CEP162: variants seen among roughly 807,000 people sequenced by gnomAD.
The protein encoded by CEP162 is centrosomal protein of 162 kDa.
CEP162 carries 141 observed loss-of-function variants against 169.2 expected under a neutral mutation model. The observed-to-expected ratio is 0.83, with a 90% confidence interval of 0.73 to 0.96. The LOEUF is 0.96. Among genes scored for constraint, CEP162 ranks in the 40% least tolerant of loss-of-function variants. The pLI is 0.00. For synonymous variants in CEP162, 540 were observed against 526.4 expected, an observed-to-expected ratio of 1.03 and a Z score of -0.35; for missense variants, 1,600 against 1,587.2, an observed-to-expected ratio of 1.01 and a Z score of -0.14.
Position 84,160,763 on chromosome 6 carries a change from A to C in CEP162, c.2781+49T>G, listed in dbSNP as rs772063249. The C allele has an allele frequency of 1.9e-5, 22 of 1,166,646 alleles. No individual in the cohort carries two copies. In the South Asian group the frequency reaches 2.8e-4, roughly 15 times the overall value. The allele number at this position is 1,166,646 out of a possible 1,614,324, so 72.3% of individuals were successfully genotyped here. On this transcript the variant is annotated intron_variant, in intron 21 of 26. Coordinates refer to ENST00000403245, the MANE Select transcript of CEP162 (RefSeq NM_014895.4). ...TCCTGAAACAAAAGAGAAAACCAAA[A>C]TGCACTATATATAAAATATGCTCAT... is the stretch of plus-strand genomic sequence containing the variant.
chr6:84,187,443 G>A (rs1046623717), intron 11 of CEP162, among the ~76,000 whole-genome samples: 36 of 152,132 alleles, frequency 2.4e-4, no homozygotes, highest in African/African-American at 8.7e-4. Context: ...GCTAGTAGGT[G>A]GAATCATCAG....
chr6:84,199,729 G>A (rs9449836), intron 9 of CEP162, among the ~76,000 whole-genome samples: 5,984 of 152,130 alleles, frequency 0.039, 214 homozygotes, highest in African/African-American at 0.098. Flanking sequence ...AGCTATTTAT[G>A]TGATAAAATA....
At chr6:84,155,557 G>T in intron 21 of CEP162, 47 bp from the exon 22 acceptor site, 2 of 1,279,960 alleles carry the variant, frequency 1.6e-6, no homozygotes, top group Non-Finnish European at 2.2e-6. Context: ...TTTAATAAAT[G>T]AATTCAGTAA....
chr6:84,164,156 T>C (rs1361946938), intron 18 of CEP162, among the ~76,000 whole-genome samples: 1 of 152,046 alleles, frequency 6.6e-6, no homozygotes, highest in Non-Finnish European at 1.5e-5. Flanking sequence ...TGAGATACCA[T>C]CTCAAGCCAT....
At position 84,215,467 on chromosome 6, in the gene CEP162, T is replaced by C. The variant is rs779648758; in HGVS notation, c.320-2A>G. 8.3e-6 allele frequency: 13 copies of C among 1,559,014 alleles called. No individual in the cohort carries two copies. In the Middle Eastern group the frequency reaches 6.8e-4, roughly 82 times the overall value. On this transcript the variant is annotated splice_acceptor_variant, in intron 4 of 26. Transcript: ENST00000403245. LOFTEE classifies it high-confidence loss of function. ...GGTTGAGCTCAGAAACTACTAGTTC[T>C]AAATGGAAAGCACAAATATATTTTA...
At chr6:84,143,956 C>T (rs1307117738) in intron 25 of CEP162, among the ~76,000 whole-genome samples, 1 of 151,910 alleles carries the variant, frequency 6.6e-6, no homozygotes, top group Non-Finnish European at 1.5e-5. Flanking sequence ...TCTCACTATG[C>T]GACTTTCTGT....
Position 84,154,312 on chromosome 6 carries a change from ATATC to A in CEP162, c.2994+982_2994+985del, listed in dbSNP as rs3837002. 6.4e-3 allele frequency among the ~76,000 whole-genome samples: 957 copies of A among 150,072 alleles called. 8 individuals are homozygous for A. The highest frequency in any genetic ancestry group is 0.013 in the African/African-American group (505 of 39,790). Reference sequence around the variant, plus strand: ...CTAGACTCCAGACATGTTATCAGGGATATCTATCTATCTATCTATCTGTCTGTCT... The same window carrying A: ...CTAGACTCCAGACATGTTATCAGGGATATCTATCTATCTATCTGTCTGTCT... On this transcript the variant is annotated intron_variant, in intron 22 of 26. Coordinates refer to ENST00000403245, the MANE Select transcript of CEP162 (RefSeq NM_014895.4).
At chr6:84,147,931 T>C (rs1204119435) in intron 24 of CEP162, among the ~76,000 whole-genome samples, 1 of 152,210 alleles carries the variant, frequency 6.6e-6, no homozygotes, top group African/African-American at 2.4e-5. Flanking sequence ...GTATTTTTAA[T>C]GATCAGACTA....
chr6:84,155,894 C>T (rs62449284), intron 21 of CEP162, among the ~76,000 whole-genome samples: 16,225 of 152,006 alleles, frequency 0.11, 1,361 homozygotes, highest in African/African-American at 0.24. Context: ...ACAATTCATA[C>T]GGAACCAAAA....
intron 18 of CEP162, among the ~76,000 whole-genome samples, chr6:84,167,703 T>A (rs961408302): frequency 6.6e-6 from 1 of 152,182 alleles, no homozygotes; most frequent in Non-Finnish European, 1.5e-5. Flanking sequence ...TGCAAGGTAG[T>A]GTCAATTCAA....
intron 6 of CEP162, among the ~76,000 whole-genome samples, chr6:84,209,029 T>C (rs1282040875): frequency 6.6e-6 from 1 of 152,176 alleles, no homozygotes; most frequent in Non-Finnish European, 1.5e-5. Flanking sequence ...ATTTGGGAAC[T>C]AATAGGAGGC....
chr6:84,204,176 A>G (rs981240733), intron 6 of CEP162, 80 bp from the exon 7 acceptor site: 2 of 788,278 alleles, frequency 2.5e-6, no homozygotes, highest in Non-Finnish European at 4.1e-6. Flanking sequence ...TTGATTTCGA[A>G]AGGAAGAAGT....
chr6:84,221,480 T>C (rs563271914), intron 2 of CEP162, among the ~76,000 whole-genome samples: 4 of 152,328 alleles, frequency 2.6e-5, no homozygotes, highest in African/African-American at 7.2e-5. Flanking sequence ...TCCTGTCTTC[T>C]AGACATTCTC....
intron 11 of CEP162, among the ~76,000 whole-genome samples, chr6:84,193,038 A>G (rs2099540557): frequency 1.3e-5 from 2 of 152,266 alleles, no homozygotes. Context: ...TATGAGGATC[A>G]CGTGGGAGAC....
chr6:84,137,050 G>A (rs761879985), intron 25 of CEP162, among the ~76,000 whole-genome samples: 13 of 152,168 alleles, frequency 8.5e-5, no homozygotes, highest in Non-Finnish European at 1.8e-4. Flanking sequence ...AAGAGATATC[G>A]GTTCTTGTGG....
At chr6:84,205,722 C>A (rs933647076) in intron 6 of CEP162, among the ~76,000 whole-genome samples, 1 of 151,836 alleles carries the variant, frequency 6.6e-6, no homozygotes, top group African/African-American at 2.4e-5. Flanking sequence ...CTGGCCAGGG[C>A]AATCAGGCAG....
intron 3 of CEP162, chr6:84,219,137 AGAG>A: frequency 7.8e-7 from 1 of 1,277,446 alleles, no homozygotes; most frequent in Non-Finnish European, 1.0e-6. Context: ...CCTCTTCTCA[AGAG>A]GAGTGTTGAA....
chr6:84,201,795 T>A, intron 7 of CEP162, 28 bp from the exon 8 acceptor site: 1 of 1,232,046 alleles, frequency 8.1e-7, no homozygotes, highest in Non-Finnish European at 1.1e-6. Context: ...AATGATGATA[T>A]GTTTTGAAAC....
chr6:84,172,569 C>T (rs1167071019), intron 16 of CEP162, among the ~76,000 whole-genome samples: 2 of 152,094 alleles, frequency 1.3e-5, no homozygotes, highest in Non-Finnish European at 1.5e-5. Flanking sequence ...TGTGTTGTCT[C>T]TGTTGGAGGG....
Sources: gnomAD v4.1 joint callset for allele counts (sites outside exome capture counted in the v4.1 genomes callset) on GRCh38, gnomAD v4.1.1 for gene constraint, MANE v1.5 for transcripts, NCBI Gene and HGNC (gene_info 2026-07-23, HGNC 2026-07-21) for gene names.